Variants in RANBP2 observed in about 807,000 individuals in gnomAD.
The protein encoded by RANBP2 is E3 SUMO-protein ligase RanBP2.
A neutral mutation model predicts 303.6 loss-of-function variants in RANBP2; 57 were observed. The ratio of observed to expected loss-of-function variants is 0.19; its 90% CI spans 0.15 to 0.23. RANBP2 has a LOEUF of 0.23. RANBP2 is among the 10% of genes least tolerant of loss of function. RANBP2 has a pLI of 1.00. For missense variants in RANBP2, 3,138 were observed against 3,780.8 expected, an observed-to-expected ratio of 0.83 and a Z score of 4.46; for synonymous variants, 1,167 against 1,301.5, an observed-to-expected ratio of 0.90 and a Z score of 2.23.
the RANBP2 span, chr2:109,613,809 C>T: frequency 1.6e-6 from 2 of 1,233,254 alleles, no homozygotes; most frequent in East Asian, 6.4e-5. Flanking sequence ...AGGTGCCGCG[C>T]CACCTCGGAG....
the RANBP2 span, among the ~76,000 whole-genome samples, chr2:109,280,721 T>C: frequency 8.5e-5 from 13 of 152,300 alleles, no homozygotes; most frequent in South Asian, 2.1e-4. Context: ...TCTGGAGACG[T>C]TGGAAATGGG....
the RANBP2 span, among the ~76,000 whole-genome samples, chr2:109,031,059 G>C: frequency 6.6e-6 from 1 of 152,168 alleles, no homozygotes; most frequent in Admixed American, 6.5e-5. Context: ...GCTCCACGAG[G>C]GGACGCCATG....
At chr2:109,352,857 G>A in the RANBP2 span, among the ~76,000 whole-genome samples, 2 of 152,272 alleles carry the variant, frequency 1.3e-5, no homozygotes. Flanking sequence ...CCTTCTGACA[G>A]CAAAGGGAGT....
the RANBP2 span, among the ~76,000 whole-genome samples, chr2:109,576,512 T>C: frequency 3.3e-5 from 5 of 152,180 alleles, no homozygotes; most frequent in Non-Finnish European, 4.4e-5. Context: ...AACAGTTAAG[T>C]GATCCTTTGG....
the RANBP2 span, among the ~76,000 whole-genome samples, chr2:108,917,516 G>C: frequency 6.6e-6 from 1 of 152,126 alleles, no homozygotes; most frequent in African/African-American, 2.4e-5. Flanking sequence ...ATTTCACTCT[G>C]TACCCCATAA....
chr2:109,651,108 A>T, the RANBP2 span, among the ~76,000 whole-genome samples: 1 of 151,998 alleles, frequency 6.6e-6, no homozygotes, highest in Non-Finnish European at 1.5e-5. Context: ...TCCTTCATAC[A>T]TCCTCTCCCC....
the RANBP2 span, among the ~76,000 whole-genome samples, chr2:109,734,085 G>A: frequency 1.0e-3 from 153 of 151,728 alleles, no homozygotes; most frequent in African/African-American, 3.6e-3. Flanking sequence ...AGGCTGAGGC[G>A]GGAGAATTGC....
chr2:109,574,821 T>C, the RANBP2 span: 2 of 1,278,506 alleles, frequency 1.6e-6, no homozygotes, highest in Non-Finnish European at 2.1e-6. Context: ...CCTTAAGATA[T>C]CTGTGCAACT....
At chr2:109,452,589 A>G in the RANBP2 span, among the ~76,000 whole-genome samples, 1 of 152,142 alleles carries the variant, frequency 6.6e-6, no homozygotes, top group African/African-American at 2.4e-5. Flanking sequence ...AGTAGGGAGT[A>G]ATTTTCTCCT....
chr2:108,980,414 A>T, the RANBP2 span, among the ~76,000 whole-genome samples: 420 of 152,260 alleles, frequency 2.8e-3, 1 homozygote, highest in African/African-American at 9.8e-3. Flanking sequence ...CTCAGCAGCA[A>T]GTCGTGATTT....
chr2:109,265,699 T>C, the RANBP2 span, among the ~76,000 whole-genome samples: 4 of 152,238 alleles, frequency 2.6e-5, no homozygotes, highest in African/African-American at 9.6e-5. Flanking sequence ...GGTCATCTGA[T>C]TATAGTCAGA....
the RANBP2 span, among the ~76,000 whole-genome samples, chr2:108,994,676 G>A: frequency 2.6e-5 from 4 of 151,712 alleles, no homozygotes; most frequent in Non-Finnish European, 5.9e-5. Flanking sequence ...ATAAATCATG[G>A]CTCCGGGGAA....
the RANBP2 span, among the ~76,000 whole-genome samples, chr2:109,214,518 G>A: frequency 8.6e-5 from 13 of 151,974 alleles, no homozygotes; most frequent in South Asian, 1.5e-3. Flanking sequence ...AGGCCCTGGC[G>A]TAGAAGACCT....
At chr2:108,914,556 G>T in the RANBP2 span, among the ~76,000 whole-genome samples, 7 of 152,172 alleles carry the variant, frequency 4.6e-5, no homozygotes, top group Non-Finnish European at 8.8e-5. Context: ...TCACTAAGAC[G>T]CAACCATTCA....
At chr2:109,547,370 T>TTG in the RANBP2 span, among the ~76,000 whole-genome samples, 1 of 49,822 alleles carries the variant, frequency 2.0e-5, no homozygotes, top group Admixed American at 2.7e-4. Context: ...AATAAACTTG[T>TTG]TTTTTTTTTT....
At chr2:109,157,870 C>T in the RANBP2 span, among the ~76,000 whole-genome samples, 2 of 152,090 alleles carry the variant, frequency 1.3e-5, no homozygotes, top group Admixed American at 6.5e-5. Context: ...ACACAGCTCT[C>T]CTAGGAGACC....
the RANBP2 span, among the ~76,000 whole-genome samples, chr2:109,546,494 T>C: frequency 6.6e-6 from 1 of 152,120 alleles, no homozygotes; most frequent in Non-Finnish European, 1.5e-5. Context: ...CATTGTGAAC[T>C]TTTCCTAGAG....
At chr2:108,837,686 CATA>C in the RANBP2 span, among the ~76,000 whole-genome samples, 1 of 152,160 alleles carries the variant, frequency 6.6e-6, no homozygotes, top group Non-Finnish European at 1.5e-5. Context: ...ATGTAGAGTA[CATA>C]ATACTTGATC....
the RANBP2 span, among the ~76,000 whole-genome samples, chr2:109,344,311 G>T: frequency 3.3e-5 from 5 of 152,336 alleles, no homozygotes; most frequent in East Asian, 9.6e-4. Context: ...GAGGGCACAG[G>T]TGGTGACGGG....
Sources: gnomAD v4.1 joint callset for allele counts (sites outside exome capture counted in the v4.1 genomes callset) on GRCh38, gnomAD v4.1.1 for gene constraint, MANE v1.5 for transcripts, NCBI Gene and HGNC (gene_info 2026-07-23, HGNC 2026-07-21) for gene names.